The following RNF144B variants were observed in gnomAD, a reference collection of about 807,000 sequenced individuals.
The protein encoded by RNF144B is ring finger protein 144B, also known as E3 ubiquitin-protein ligase RNF144B.
In RNF144B, 25 loss-of-function variants were observed where a neutral mutation model predicts 40.2. The observed-to-expected ratio is 0.62, with a 90% CI of 0.45 to 0.87. The LOEUF is 0.87. Ranked by LOEUF, RNF144B falls within the 40% of genes least tolerant of loss-of-function variation. The pLI is 0.00. For missense variants in RNF144B, 365 were observed against 373.7 expected, an observed-to-expected ratio of 0.98 and a Z score of 0.19; for synonymous variants, 145 against 136.3, an observed-to-expected ratio of 1.06 and a Z score of -0.44.
chr6:18,457,331 C>T lies in RNF144B; in HGVS notation c.508C>T (p.Gln170Ter), dbSNP rs951468970. The T allele has an allele frequency of 2.5e-6, 4 of 1,614,054 alleles. No homozygotes were observed. In the Admixed American group the frequency reaches 5.0e-5, roughly 20 times the overall value. ...WHAEVSCRDS[Q>*]PIVLPTEHRA... ...TGCAGAGGTCTCCTGTAGAGACAGTCAGCCTATTGTCCTGCCAACAGAGCA... is the reference window on the plus strand; with the variant it reads ...TGCAGAGGTCTCCTGTAGAGACAGTTAGCCTATTGTCCTGCCAACAGAGCA... Residue 170 changes from glutamine (Q) to a stop codon, truncating the protein, a stop_gained, in exon 5 of 8, where the codon CAG becomes TAG. Coordinates refer to ENST00000259939, the MANE Select transcript of RNF144B (RefSeq NM_182757.4). LOFTEE classifies it high-confidence loss of function. The surrounding 1 kb of genome is among the most constrained non-coding windows in gnomAD (Gnocchi z 5.1).
intron 2 of RNF144B, among the ~76,000 whole-genome samples, chr6:18,407,301 G>T (rs573556925): frequency 6.6e-6 from 1 of 152,270 alleles, no homozygotes; most frequent in South Asian, 2.1e-4. Flanking sequence ...TAATAATCCA[G>T]GCCAGAGATG....
In RNF144B at chr6:18,464,980, G is replaced by T; in HGVS notation, c.825G>T (p.Leu275Phe). ...TCATTGCCTTGGTTACTTCACCCTTGTTACTCCTGGCCTCCCCATGTATAA... is the reference window on the plus strand; with the variant it reads ...TCATTGCCTTGGTTACTTCACCCTTTTTACTCCTGGCCTCCCCATGTATAA... ...LGIIALVTSP[L>F]LLLASPCIIC... The change falls in exon 8 of 8, where the codon TTG becomes TTT. Residue 275 changes from leucine to phenylalanine, a missense_variant. Transcript: ENST00000259939. The surrounding 1 kb of genome is among the most constrained non-coding windows in gnomAD (Gnocchi z 6.1). 1 of 1,613,922 alleles carries T rather than the reference G, an allele frequency of 6.2e-7. No individual in the cohort carries two copies. The highest frequency in any genetic ancestry group is 8.5e-7 in the Non-Finnish European group (1 of 1,179,906).
At chr6:18,429,783 T>C (rs1758651138) in intron 3 of RNF144B, among the ~76,000 whole-genome samples, 1 of 152,196 alleles carries the variant, frequency 6.6e-6, no homozygotes, top group Non-Finnish European at 1.5e-5. Flanking sequence ...CCTTTTTGAC[T>C]TGCTTCTCAG....
intron 2 of RNF144B, among the ~76,000 whole-genome samples, 168 bp downstream of exon 2, chr6:18,399,867 A>G (rs1258387550): frequency 6.6e-6 from 1 of 152,198 alleles, no homozygotes; most frequent in Non-Finnish European, 1.5e-5. Flanking sequence ...TTAAATGGTA[A>G]ATCCTGGGTT....
chr6:18,451,196 A>G (rs1187544736), intron 4 of RNF144B, among the ~76,000 whole-genome samples: 4 of 152,148 alleles, frequency 2.6e-5, no homozygotes, highest in South Asian at 2.1e-4. Context: ...CATTTTAAAC[A>G]TCTATTTCCT....
Position 18,410,296 on chromosome 6 carries a change from G to A in RNF144B, c.165+10597G>A, listed in dbSNP as rs1266192830. ...TCCATTTGGTACTAGTGTGTGCCAGGCATGGTGTTAATTGTGGAGCAAGTG... is the reference window on the plus strand; with the variant it reads ...TCCATTTGGTACTAGTGTGTGCCAGACATGGTGTTAATTGTGGAGCAAGTG... On this transcript the variant is annotated intron_variant, in intron 2 of 7. Transcript: ENST00000259939. The surrounding 1 kb of genome is among the most constrained non-coding windows in gnomAD (Gnocchi z 4.6). Among the ~76,000 whole-genome samples the A allele has an allele frequency of 6.6e-6, 1 of 152,102 alleles. No individual in the cohort carries two copies. Among genetic ancestry groups the A allele is most frequent in the Non-Finnish European group, 1.5e-5 (1 of 68,026 alleles).
chr6:18,438,130 A>G (rs149125540), intron 3 of RNF144B, among the ~76,000 whole-genome samples: 95 of 152,292 alleles, frequency 6.2e-4, no homozygotes, highest in Admixed American at 2.0e-3. Flanking sequence ...TCCACCCATG[A>G]TGAATTAGCG....
rs1759328355 is a variant in RNF144B at position 18,456,494 on chromosome 6, T to C, written c.332-661T>C. Among the ~76,000 whole-genome samples the C allele has an allele frequency of 6.6e-6, 1 of 152,240 alleles. No individual in the cohort carries two copies. The highest frequency in any genetic ancestry group is 2.1e-4 in the South Asian group (1 of 4,834). ...TATGTCCAATTCTCTTCCAAGATAG[T>C]GCCCAAATAATTGTAGAAGGGATTT... On this transcript the variant is annotated intron_variant, in intron 4 of 7. Transcript: ENST00000259939. This position sits in a 1 kb window ranked among gnomAD's most constrained non-coding sequence, Gnocchi z 4.7.
At chr6:18,391,702 C>T (rs931739201) in intron 1 of RNF144B, among the ~76,000 whole-genome samples, 3 of 150,858 alleles carry the variant, frequency 2.0e-5, no homozygotes, top group African/African-American at 7.3e-5. Context: ...CACATCTCTA[C>T]TAAAAATACA....
intron 1 of RNF144B, among the ~76,000 whole-genome samples, chr6:18,392,840 T>C (rs1168045009): frequency 6.6e-6 from 1 of 152,212 alleles, no homozygotes; most frequent in Non-Finnish European, 1.5e-5. Flanking sequence ...TGACAACTTA[T>C]GTGTAATATC....
intron 2 of RNF144B, among the ~76,000 whole-genome samples, chr6:18,401,759 C>T (rs905183041): frequency 6.6e-6 from 1 of 152,158 alleles, no homozygotes; most frequent in Non-Finnish European, 1.5e-5. Flanking sequence ...ATGCCACATA[C>T]TACTGACTTC....
At chr6:18,429,085 C>T (rs1758633406) in intron 3 of RNF144B, among the ~76,000 whole-genome samples, 1 of 152,100 alleles carries the variant, frequency 6.6e-6, no homozygotes, top group Admixed American at 6.6e-5. Flanking sequence ...ATAGTCCCAG[C>T]TACTCTGGAG....
chr6:18,433,677 G>A (rs1053773542), intron 3 of RNF144B, among the ~76,000 whole-genome samples: 2 of 152,286 alleles, frequency 1.3e-5, no homozygotes, highest in African/African-American at 4.8e-5. Flanking sequence ...AGTGGACTGC[G>A]AAGATCAGTG....
In RNF144B at chr6:18,398,451, A is replaced by C. The variant is rs867685469; in HGVS notation, c.-36-1048A>C. ...TGGTGACGCAATCTTGACTCACTGC[A>C]ACCTCTGCCTCCTGGGTTCAAGTGA... On this transcript the variant is annotated intron_variant, in intron 1 of 7. Coordinates refer to ENST00000259939, the MANE Select transcript of RNF144B (RefSeq NM_182757.4). The surrounding 1 kb of genome is among the most constrained non-coding windows in gnomAD (Gnocchi z 5.0). Among the ~76,000 whole-genome samples, 58 of 152,202 alleles carry C rather than the reference A, an allele frequency of 3.8e-4. No homozygotes were observed. The highest frequency in any genetic ancestry group is 1.3e-3 in the African/African-American group (55 of 41,442).
intron 4 of RNF144B, among the ~76,000 whole-genome samples, chr6:18,453,622 G>T (rs1020851956): frequency 6.6e-6 from 1 of 152,074 alleles, no homozygotes; most frequent in Non-Finnish European, 1.5e-5. Context: ...TTTTACAAAG[G>T]TGTATCAATT....
intron 1 of RNF144B, among the ~76,000 whole-genome samples, chr6:18,393,426 A>C (rs189536652): frequency 2.0e-5 from 3 of 152,306 alleles, no homozygotes; most frequent in African/African-American, 4.8e-5. Flanking sequence ...TCACCCTGCC[A>C]TTGTATTTGG....
chr6:18,463,373 GA>G lies in RNF144B; in HGVS notation c.766del (p.Thr256HisfsTer8). On this transcript the variant is annotated frameshift_variant, in exon 7 of 8. Transcript: ENST00000259939. LOFTEE classifies it high-confidence loss of function. ...TCAAGAGCATCAGTGATGTGGAACC[GA>G]ACACAGGTACCCTGACCTTATAGGG... ...GHSRASVMWN[R>X]TQVVGILVGL... 6.3e-7 allele frequency: 1 copy of G among 1,599,408 alleles called. No homozygotes were observed. The highest frequency in any genetic ancestry group is 1.3e-5 in the African/African-American group (1 of 74,728).
intron 1 of RNF144B, 65 bp downstream of exon 1, chr6:18,387,695 AGG>A: frequency 8.1e-7 from 1 of 1,239,290 alleles, no homozygotes; most frequent in African/African-American, 1.6e-5. Flanking sequence ...TGCTGGACTA[AGG>A]AAAAAGGACA....
In RNF144B at chr6:18,456,969, G is replaced by A. The variant is rs1202881967; in HGVS notation, c.332-186G>A. On this transcript the variant is annotated intron_variant, in intron 4 of 7. Transcript: ENST00000259939. This position sits in a 1 kb window ranked among gnomAD's most constrained non-coding sequence, Gnocchi z 4.7. ...CCCAGCTACTCGGGAGGCTGAGGCA[G>A]AAGAATCGGTTGAACCCAGGAGGGG... Among the ~76,000 whole-genome samples, 1 of 152,202 alleles carries A rather than the reference G, an allele frequency of 6.6e-6. No individual in the cohort carries two copies. Among genetic ancestry groups the A allele is most frequent in the African/African-American group, 2.4e-5 (1 of 41,458 alleles).
Sources: allele counts gnomAD v4.1 joint callset (sites outside exome capture counted in the v4.1 genomes callset), GRCh38; gene constraint gnomAD v4.1.1; non-coding constraint Gnocchi (gnomAD v3.1); transcripts MANE v1.5; gene names NCBI Gene and HGNC (gene_info 2026-07-23, HGNC 2026-07-21).